The following BRD4 variants were observed in gnomAD, a reference collection of about 807,000 sequenced individuals.
BRD4 encodes the protein bromodomain containing 4.
A neutral mutation model predicts 142.1 loss-of-function variants in BRD4; 16 were observed. That is an observed-to-expected ratio of 0.11 (90% CI 0.08 to 0.17). The LOEUF (loss-of-function observed/expected upper bound fraction) is 0.17, where lower values mean the gene tolerates loss of function less well. Among genes scored for constraint, BRD4 ranks in the 10% least tolerant of loss-of-function variants. BRD4 has a pLI of 1.00. For missense variants in BRD4, 1,424 were observed against 1,810.9 expected, an observed-to-expected ratio of 0.79 and a Z score of 3.88; for synonymous variants, 833 against 707.5, an observed-to-expected ratio of 1.18 and a Z score of -2.82.
intron 1 of BRD4, among the ~76,000 whole-genome samples, chr19:15,326,182 C>G (rs944200867): frequency 2.8e-5 from 4 of 143,398 alleles, no homozygotes; most frequent in Non-Finnish European, 6.0e-5. Flanking sequence ...AAAGGCCGGG[C>G]GCTGTGGCTC....
rs548905642 is a variant in BRD4 at position 15,262,714 on chromosome 19, C to A, written c.1341+706G>T. 3.3e-5 allele frequency among the ~76,000 whole-genome samples: 5 copies of A among 151,798 alleles called. No individual in the cohort carries two copies. The East Asian group carries it at 9.7e-4, about 29-fold the overall frequency. ...CTCCAGCCTGGGTGACAGAACGAGA[C>A]CCTGTCTCCAATAATTAAAACAAAA... On this transcript the variant is annotated intron_variant, in intron 7 of 19. Coordinates refer to ENST00000679869, the MANE Select transcript of BRD4 (RefSeq NM_001379291.1).
rs1426494981 is a variant in BRD4 at position 15,237,416 on chromosome 19, G to A, written c.*961C>T. ...TTTTTTCTTTTTTCACACCAGTTTGGTGGAGTCACCAACAAACTTCAAACA... is the reference window on the plus strand; with the variant it reads ...TTTTTTCTTTTTTCACACCAGTTTGATGGAGTCACCAACAAACTTCAAACA... On this transcript the variant is annotated 3_prime_UTR_variant, in exon 20 of 20. Transcript: ENST00000679869. 3 of 223,126 alleles carry A rather than the reference G, an allele frequency of 1.3e-5. No individual in the cohort carries two copies. Among genetic ancestry groups the A allele is most frequent in the Non-Finnish European group, 2.7e-5 (3 of 112,092 alleles). The allele number at this position is 223,126 out of a possible 1,614,324, so 13.8% of individuals were successfully genotyped here.
chr19:15,276,362 T>C (rs879348132), intron 1 of BRD4, among the ~76,000 whole-genome samples: 34 of 151,900 alleles, frequency 2.2e-4, no homozygotes, highest in African/African-American at 7.0e-4. Context: ...CCACAGCGGT[T>C]CCCCCCAACC....
chr19:15,311,707 C>T (rs1209712038), intron 1 of BRD4, among the ~76,000 whole-genome samples: 1 of 152,004 alleles, frequency 6.6e-6, no homozygotes, highest in Non-Finnish European at 1.5e-5. Context: ...GAGGCTGAGG[C>T]AGGAGAATCA....
intron 1 of BRD4, among the ~76,000 whole-genome samples, chr19:15,307,016 C>A (rs1265561123): frequency 6.6e-6 from 1 of 152,088 alleles, no homozygotes; most frequent in Non-Finnish European, 1.5e-5. Flanking sequence ...CTGCAAAGCA[C>A]AATAAAACGA....
intron 1 of BRD4, among the ~76,000 whole-genome samples, chr19:15,301,326 G>T (rs1026622340): frequency 1.3e-5 from 2 of 152,162 alleles, no homozygotes; most frequent in Admixed American, 6.5e-5. Flanking sequence ...ACTTTGGGAG[G>T]CCAAGGCGGG....
At chr19:15,291,862 A>G (rs2047784287) in intron 1 of BRD4, among the ~76,000 whole-genome samples, 1 of 152,212 alleles carries the variant, frequency 6.6e-6, no homozygotes, top group Non-Finnish European at 1.5e-5. Context: ...TACTTTGCCT[A>G]GACATTGATT....
At chr19:15,315,026 GT>G (rs1349407096) in intron 1 of BRD4, among the ~76,000 whole-genome samples, 7 of 152,124 alleles carry the variant, frequency 4.6e-5, no homozygotes, top group Admixed American at 4.6e-4. Flanking sequence ...ATGCAGTGCG[GT>G]TTCAGGGTAG....
chr19:15,242,491 T>G (rs1370201897), intron 14 of BRD4, among the ~76,000 whole-genome samples: 9 of 152,136 alleles, frequency 5.9e-5, no homozygotes, highest in Non-Finnish European at 1.3e-4. Context: ...ACACCATGGT[T>G]CTGGCTCTCC....
chr19:15,322,699 A>G (rs1456085694), intron 1 of BRD4, among the ~76,000 whole-genome samples: 9 of 30,494 alleles, frequency 3.0e-4, no homozygotes, highest in Non-Finnish European at 5.6e-4. Flanking sequence ...AAAAAATACA[A>G]AAAAAAAAAA....
chr19:15,282,464 G>A (rs1398606245), intron 1 of BRD4, among the ~76,000 whole-genome samples: 1 of 152,128 alleles, frequency 6.6e-6, no homozygotes, highest in East Asian at 1.9e-4. Flanking sequence ...CCAACCACTC[G>A]GCCACACATG....
intron 11 of BRD4, among the ~76,000 whole-genome samples, chr19:15,251,980 A>G (rs2047352677): frequency 6.6e-6 from 1 of 152,220 alleles, no homozygotes; most frequent in Admixed American, 6.5e-5. Flanking sequence ...CGGCTCTGAG[A>G]CTGTAAATCT....
At chr19:15,309,074 C>T (rs1681223303) in intron 1 of BRD4, among the ~76,000 whole-genome samples, 2 of 148,630 alleles carry the variant, frequency 1.3e-5, no homozygotes, top group Admixed American at 6.7e-5. Flanking sequence ...CGGTGGCTCA[C>T]ACCTGTAATC....
intron 1 of BRD4, among the ~76,000 whole-genome samples, chr19:15,317,969 C>T (rs2048030686): frequency 6.6e-6 from 1 of 152,224 alleles, no homozygotes. Flanking sequence ...CATACACACA[C>T]AACTCTATTA....
chr19:15,247,312 G>T (rs749928009), intron 11 of BRD4: 6 of 231,882 alleles, frequency 2.6e-5, no homozygotes, highest in Non-Finnish European at 5.1e-5. Context: ...GTGCGTCGAG[G>T]CCCGGCTGGC....
chr19:15,272,595 C>T (rs1344660267), intron 2 of BRD4, among the ~76,000 whole-genome samples: 1 of 152,200 alleles, frequency 6.6e-6, no homozygotes, highest in Admixed American at 6.5e-5. Context: ...CCCAGGATTC[C>T]AATATCTAAG....
chr19:15,269,089 A>G, intron 2 of BRD4, 47 bp from the exon 3 acceptor site: 1 of 1,608,538 alleles, frequency 6.2e-7, no homozygotes, highest in South Asian at 1.1e-5. Context: ...GCAGCCAGGC[A>G]GCACAAACGC....
intron 1 of BRD4, chr19:15,275,814 C>T (rs2047640452): frequency 6.6e-6 from 1 of 152,068 alleles, no homozygotes; most frequent in Non-Finnish European, 1.5e-5. Flanking sequence ...GGAGATGAGC[C>T]TGGACAACAT....
At chr19:15,304,822 A>G (rs564523754) in intron 1 of BRD4, among the ~76,000 whole-genome samples, 2 of 152,198 alleles carry the variant, frequency 1.3e-5, no homozygotes, top group East Asian at 3.9e-4. Context: ...GAAATCGGTA[A>G]TTCATCTAAG....
Sources: gnomAD v4.1 joint callset for allele counts (sites outside exome capture counted in the v4.1 genomes callset) on GRCh38, gnomAD v4.1.1 for gene constraint, MANE v1.5 for transcripts, NCBI Gene and HGNC (gene_info 2026-07-23, HGNC 2026-07-21) for gene names.